The following ATP11C variants were observed in gnomAD, a reference collection of about 807,000 sequenced individuals.
The protein encoded by ATP11C is phospholipid-transporting ATPase IG.
Under a neutral mutation model 97.4 loss-of-function variants are expected in ATP11C, and 36 were observed. The ratio of observed to expected loss-of-function variants is 0.37; its 90% confidence interval spans 0.28 to 0.49. The LOEUF (loss-of-function observed/expected upper bound fraction) is 0.49, where lower values mean the gene tolerates loss of function less well. Ranked by LOEUF, ATP11C falls within the 20% of genes least tolerant of loss-of-function variation. The probability of loss-of-function intolerance (pLI) is 0.98; values close to 1 mark genes in which losing one functional copy is unlikely to be tolerated. For synonymous variants in ATP11C, 275 were observed against 290.9 expected (o/e 0.95, Z 0.56); for missense variants, 730 against 824.6 (o/e 0.89, Z 1.40).
intron 1 of ATP11C, chrX:139,909,826 T>C (rs979691508): frequency 2.7e-5 from 3 of 111,979 alleles, no homozygotes; most frequent in African/African-American, 9.7e-5. Flanking sequence ...GCTGGTTACT[T>C]TTCTGAAGAA....
intron 23 of ATP11C, among the ~76,000 whole-genome samples, chrX:139,752,185 C>T (rs1164236727): frequency 1.8e-5 from 2 of 111,057 alleles, no homozygotes; most frequent in East Asian, 5.7e-4. Flanking sequence ...ATGTCTAAAA[C>T]GGCAGCTCTC....
rs112373295 is a variant in ATP11C, at chrX:139,850,869, C to G, written c.28-24046G>C. Among the ~76,000 whole-genome samples, 788 of 110,886 alleles carry G rather than the reference C, an allele frequency of 7.1e-3. 9 individuals carry two copies. Among genetic ancestry groups the G allele is most frequent in the African/African-American group, 0.025 (755 of 30,424 alleles). ...AGGCTGCAGTGAGCCAAGATTGCAC[C>G]ACTGCACTCTAGACTGGGTGACAGA... On this transcript the variant is annotated intron_variant, in intron 1 of 29. Transcript: ENST00000682941.
At chrX:139,874,538 G>C (rs1381098613) in intron 1 of ATP11C, among the ~76,000 whole-genome samples, 1 of 112,176 alleles carries the variant, frequency 8.9e-6, no homozygotes, top group Non-Finnish European at 1.9e-5. Context: ...AAAAGTGCAA[G>C]AGGACAAGTG....
chrX:139,900,367 CAAAAAAAAAAAAAA>C, intron 1 of ATP11C, among the ~76,000 whole-genome samples: 1 of 36,830 alleles, frequency 2.7e-5, no homozygotes, highest in East Asian at 7.7e-4. Context: ...GACTCCGTCT[CAAAAAAAAAAAAAA>C]AAAAAAAAAA....
intron 1 of ATP11C, among the ~76,000 whole-genome samples, chrX:139,909,605 A>C (rs1336803387): frequency 9.0e-6 from 1 of 111,696 alleles, no homozygotes; most frequent in East Asian, 2.8e-4. Flanking sequence ...AATCTGAAAA[A>C]CATTGGTGGA....
In ATP11C at chrX:139,785,931, G is replaced by A. The variant is rs185314311; in HGVS notation, c.1593-632C>T. On this transcript the variant is annotated intron_variant, in intron 15 of 29. Transcript: ENST00000682941. ...CATTCTGAGTAGAGGGAATGAGCAC[G>A]GCAGCATGAGAGCACATGGCCCATG... is the stretch of plus-strand genomic sequence containing the variant. Among the ~76,000 whole-genome samples the A allele has an allele frequency of 8.1e-5, 9 of 111,254 alleles. No individual in the cohort carries two copies. In the South Asian group the frequency reaches 1.6e-3, roughly 19 times the overall value.
Position 139,824,140 on chromosome X carries a change from A to T in ATP11C, c.147+2564T>A, listed in dbSNP as rs1445509174. On this transcript the variant is annotated intron_variant, in intron 2 of 29. Coordinates refer to ENST00000682941, the MANE Select transcript of ATP11C (RefSeq NM_001353812.2). ...AAAAATACCAAAAAAAAAAAAAAAA[A>T]AATTAATTAATTTTTTAAAAAAAAC... Among the ~76,000 whole-genome samples, 4 of 108,543 alleles carry T rather than the reference A, an allele frequency of 3.7e-5. No individual in the cohort carries two copies. The South Asian group carries it at 1.2e-3, about 32-fold the overall frequency. 94.3% of individuals were successfully genotyped at this position (108,543 alleles called of 115,157 possible). A position where few individuals can be genotyped will look rare whatever the true frequency, so the allele number is the denominator to read the frequency against.
chrX:139,869,620 A>AT lies in ATP11C; in HGVS notation c.28-42798_28-42797insA, dbSNP rs1491458411. On this transcript the variant is annotated intron_variant, in intron 1 of 29. Transcript: ENST00000682941. ...AATGTGGCAAAACCCCCTCTCTACT[A>AT]AAAAAAAAAAAAAAAAAAAAAAAAT... 4.6e-3 allele frequency among the ~76,000 whole-genome samples: 148 copies of AT among 32,061 alleles called. No homozygotes were observed. In the African/African-American group the frequency reaches 0.072, roughly 16 times the overall value. The allele number at this position is 32,061 out of a possible 115,157, so 27.8% of individuals were successfully genotyped here.
chrX:139,736,766 C>T (rs138117451), intron 28 of ATP11C, among the ~76,000 whole-genome samples: 35 of 111,184 alleles, frequency 3.1e-4, no homozygotes, highest in African/African-American at 1.1e-3. Context: ...CAATTCTGGC[C>T]ACCTAATTAC....
chrX:139,835,284 T>C (rs1369087381), intron 1 of ATP11C, among the ~76,000 whole-genome samples: 4 of 112,067 alleles, frequency 3.6e-5, no homozygotes, highest in Non-Finnish European at 7.5e-5. Context: ...AAGGTCCTAA[T>C]AGCCTTCTAC....
intron 3 of ATP11C, 127 bp from the exon 4 acceptor site, chrX:139,817,070 T>A: frequency 2.8e-6 from 1 of 359,321 alleles, no homozygotes; most frequent in Non-Finnish European, 4.8e-6. Flanking sequence ...AGGGTAAATA[T>A]TAATTTTCAT....
chrX:139,802,653 T>G lies in ATP11C; in HGVS notation c.556-314A>C, dbSNP rs1028900583. ...ATTAACTAAAACCACGTGAAAAAGT[T>G]AATACATTTATTTTTTTTCCTATTT... On this transcript the variant is annotated intron_variant, in intron 6 of 29. Coordinates refer to ENST00000682941, the MANE Select transcript of ATP11C (RefSeq NM_001353812.2). Among the ~76,000 whole-genome samples the G allele has an allele frequency of 2.7e-5, 3 of 111,939 alleles. No individual in the cohort carries two copies. In the Admixed American group the frequency reaches 2.8e-4, roughly 11 times the overall value.
At chrX:139,861,802 C>A (rs2147991028) in intron 1 of ATP11C, among the ~76,000 whole-genome samples, 1 of 103,263 alleles carries the variant, frequency 9.7e-6, no homozygotes, top group Non-Finnish European at 2.0e-5. Flanking sequence ...ACACACACAC[C>A]CTCTTCATCC....
At chrX:139,857,659 C>T (rs1336121243) in intron 1 of ATP11C, among the ~76,000 whole-genome samples, 4 of 111,471 alleles carry the variant, frequency 3.6e-5, no homozygotes, top group Non-Finnish European at 7.5e-5. Context: ...GCAGGGGCCA[C>T]GTGCGTCAGG....
At chrX:139,743,424 T>G (rs1384467966) in intron 26 of ATP11C, 135 bp downstream of exon 26, 8 of 388,627 alleles carry the variant, frequency 2.1e-5, no homozygotes, top group Non-Finnish European at 2.2e-5. Flanking sequence ...CACATTTTAG[T>G]AAGTATTAAG....
chrX:139,821,964 T>G (rs2083417938), intron 2 of ATP11C, among the ~76,000 whole-genome samples: 1 of 112,202 alleles, frequency 8.9e-6, no homozygotes, highest in South Asian at 3.7e-4. Context: ...AAAGTGAAAT[T>G]GAGTTACAGC....
intron 20 of ATP11C, among the ~76,000 whole-genome samples, chrX:139,764,669 A>G (rs2082100633): frequency 8.9e-6 from 1 of 112,938 alleles, no homozygotes. Flanking sequence ...GTGATGAAAA[A>G]TAATTCATGA....
intron 12 of ATP11C, among the ~76,000 whole-genome samples, chrX:139,790,439 A>G (rs905902867): frequency 3.9e-5 from 4 of 102,253 alleles, no homozygotes; most frequent in African/African-American, 1.5e-4. Flanking sequence ...TATACTGACC[A>G]CTTATTTCTC....
chrX:139,922,223 AATATATAT>A (rs201394639), intron 1 of ATP11C, among the ~76,000 whole-genome samples: 6,162 of 43,486 alleles, frequency 0.14, 572 homozygotes, highest in Non-Finnish European at 0.21. Context: ...TCCTTCTCTA[AATATATAT>A]ATATATATAT....
Sources: gnomAD v4.1 joint callset for allele counts (sites outside exome capture counted in the v4.1 genomes callset) on GRCh38, gnomAD v4.1.1 for gene constraint, MANE v1.5 for transcripts, NCBI Gene and HGNC (gene_info 2026-07-23, HGNC 2026-07-21) for gene names.